Variants in GPRIN3 observed in about 807,000 individuals in gnomAD.
The protein encoded by GPRIN3 is GPRIN family member 3.
Under a neutral mutation model 13.7 loss-of-function variants are expected in GPRIN3, and 12 were observed. The ratio of observed to expected loss-of-function variants is 0.87; its 90% CI spans 0.56 to 1.42. The LOEUF is 1.42. Among genes scored for constraint, GPRIN3 ranks in the 40% most tolerant of loss-of-function variants. The probability of loss-of-function intolerance (pLI) is 0.00; values close to 1 mark genes in which losing one functional copy is unlikely to be tolerated. For missense variants in GPRIN3, 1,009 were observed against 958.7 expected (o/e 1.05, Z -0.69); for synonymous variants, 377 against 372.7 (o/e 1.01, Z -0.13).
Position 89,243,864 on chromosome 4 carries a change from G to A in GPRIN3, c.*3916C>T, listed in dbSNP as rs1723015360. 6.6e-6 allele frequency: 1 copy of A among 152,190 alleles called. No homozygotes were observed. Among genetic ancestry groups the A allele is most frequent in the South Asian group, 2.1e-4 (1 of 4,828 alleles). 9.4% of individuals were successfully genotyped at this position (152,190 alleles called of 1,614,324 possible). A position where few individuals can be genotyped will look rare whatever the true frequency, so the allele number is the denominator to read the frequency against. On this transcript the variant is annotated 3_prime_UTR_variant, in exon 2 of 2. Transcript: ENST00000609438. ...TGATTCATAAAAGTAGACAAGGGAT[G>A]TGGTTAATTATGTGTTACTAGGAGT...
At chr4:89,292,920 A>G (rs1416757582) in intron 1 of GPRIN3, among the ~76,000 whole-genome samples, 1 of 152,256 alleles carries the variant, frequency 6.6e-6, no homozygotes, top group Non-Finnish European at 1.5e-5. Flanking sequence ...TACATCAACC[A>G]GCCACATGGG....
Position 89,247,590 on chromosome 4 carries a change from C to G in GPRIN3, c.*190G>C. On this transcript the variant is annotated 3_prime_UTR_variant, in exon 2 of 2. Transcript: ENST00000609438. ...GTTTCTCTTTTCTTGTTCCTTCTTT[C>G]AAATTGAAATGACATTTTTGTTTAT... 3.9e-6 allele frequency: 2 copies of G among 517,260 alleles called. No homozygotes were observed. The highest frequency in any genetic ancestry group is 3.4e-6 in the Non-Finnish European group (1 of 297,428). 32.0% of individuals were successfully genotyped at this position (517,260 alleles called of 1,614,324 possible). A position where few individuals can be genotyped will look rare whatever the true frequency, so the allele number is the denominator to read the frequency against.
intron 1 of GPRIN3, among the ~76,000 whole-genome samples, chr4:89,278,561 G>T (rs965314507): frequency 3.3e-5 from 5 of 152,204 alleles, no homozygotes; most frequent in Admixed American, 6.5e-5. Context: ...AGAAGCAAAT[G>T]ATCCTGGCTA....
Position 89,248,978 on chromosome 4 carries a change from G to T in GPRIN3, c.1133C>A (p.Ala378Asp), listed in dbSNP as rs6811370. ...HTLELSDSTL[A>D]PQESSQCPGI... Reference sequence around the variant, plus strand: ...AGGGCACTGGCTGGACTCCTGGGGGGCTAGCGTGCTGTCAGAGAGCTCCAG... The same window carrying T: ...AGGGCACTGGCTGGACTCCTGGGGGTCTAGCGTGCTGTCAGAGAGCTCCAG... Residue 378 changes from alanine to aspartate, a missense_variant, in exon 2 of 2, where the codon GCC (alanine) becomes GAC (aspartate). Physicochemically the swap from Ala to Asp is moderately radical, Grantham distance 126 (BLOSUM62 -2). Coordinates refer to ENST00000609438, the MANE Select transcript of GPRIN3 (RefSeq NM_198281.3). 5 of 1,614,076 alleles carry T rather than the reference G, an allele frequency of 3.1e-6. No individual in the cohort carries two copies. The African/African-American group carries it at 4.0e-5, about 13-fold the overall frequency.
rs1451940238 is a variant in GPRIN3, at chr4:89,242,510, A to G, written c.*5270T>C. 1 of 152,212 alleles carries G rather than the reference A, an allele frequency of 6.6e-6. No homozygotes were observed. The highest frequency in any genetic ancestry group is 1.5e-5 in the Non-Finnish European group (1 of 68,024). 9.4% of individuals were successfully genotyped at this position (152,212 alleles called of 1,614,324 possible). On this transcript the variant is annotated 3_prime_UTR_variant, in exon 2 of 2. Transcript: ENST00000609438. The stretch of plus-strand genomic sequence containing the variant: ...GCTCCTCTTCCCTCTGGGCTCACAT[A>G]AAAACATAGATGCCAACTGTATCCT...
In GPRIN3 at chr4:89,298,138, G is replaced by T. The variant is rs149890070; in HGVS notation, c.-124+9477C>A. On this transcript the variant is annotated intron_variant, in intron 1 of 1. Transcript: ENST00000609438. ...GAGGTTCTGGTATCCTCATGAGAAAGAAATTTCTCGTAGTACACATACCAG... is the reference window on the plus strand; with the variant it reads ...GAGGTTCTGGTATCCTCATGAGAAATAAATTTCTCGTAGTACACATACCAG... 1.7e-3 allele frequency among the ~76,000 whole-genome samples: 265 copies of T among 152,206 alleles called. 3 individuals carry two copies. The highest frequency in any genetic ancestry group is 6.1e-3 in the African/African-American group (252 of 41,534).
In GPRIN3 at chr4:89,281,321, G is replaced by A. The variant is rs538167683; in HGVS notation, c.-124+26294C>T. Among the ~76,000 whole-genome samples the A allele has an allele frequency of 2.5e-3, 381 of 152,008 alleles. 2 individuals carry two copies. The highest frequency in any genetic ancestry group is 4.0e-3 in the Non-Finnish European group (271 of 67,922). On this transcript the variant is annotated intron_variant, in intron 1 of 1. Transcript: ENST00000609438. ...GTATTTTTAGTAGAGACGGGGTTTC[G>A]CCATGTTGGCCAGGCTGGTCTCGAA...
At chr4:89,269,797 G>T (rs530756070) in intron 1 of GPRIN3, among the ~76,000 whole-genome samples, 2 of 152,174 alleles carry the variant, frequency 1.3e-5, no homozygotes, top group Non-Finnish European at 2.9e-5. Context: ...TTGCTATGTG[G>T]TTTGAGCACA....
rs1722823689 is a variant in GPRIN3, at chr4:89,237,851, T to C, written c.*9929A>G. The C allele has an allele frequency of 6.6e-6, 1 of 152,088 alleles. No homozygotes were observed. Among genetic ancestry groups the C allele is most frequent in the African/African-American group, 2.4e-5 (1 of 41,394 alleles). 9.4% of individuals were successfully genotyped at this position (152,088 alleles called of 1,614,324 possible). A position where few individuals can be genotyped will look rare whatever the true frequency, so the allele number is the denominator to read the frequency against. ...ATGTTCTTCTGTTTGCTACTCAACA[T>C]TGAAGATGTGAAGAATGAGAACATT... On this transcript the variant is annotated 3_prime_UTR_variant, in exon 2 of 2. Coordinates refer to ENST00000609438, the MANE Select transcript of GPRIN3 (RefSeq NM_198281.3).
intron 1 of GPRIN3, among the ~76,000 whole-genome samples, chr4:89,272,885 A>T (rs1055484677): frequency 2.0e-5 from 3 of 152,240 alleles, no homozygotes; most frequent in Non-Finnish European, 4.4e-5. Flanking sequence ...CCACAGATTA[A>T]AAACAGCAAG....
At chr4:89,281,373 C>T (rs552229120) in intron 1 of GPRIN3, among the ~76,000 whole-genome samples, 6 of 152,282 alleles carry the variant, frequency 3.9e-5, no homozygotes, top group Admixed American at 2.6e-4. Context: ...CTGCCCACCT[C>T]GGCTCCCCAA....
chr4:89,279,248 C>T (rs1411030261), intron 1 of GPRIN3, among the ~76,000 whole-genome samples: 1 of 152,142 alleles, frequency 6.6e-6, no homozygotes, highest in East Asian at 1.9e-4. Context: ...TGAGAAATTG[C>T]TCAACTGCCT....
In GPRIN3 at chr4:89,246,169, A is replaced by G. The variant is rs556649401; in HGVS notation, c.*1611T>C. The G allele has an allele frequency of 6.6e-6, 1 of 152,360 alleles. No individual in the cohort carries two copies. Among genetic ancestry groups the G allele is most frequent in the African/African-American group, 2.4e-5 (1 of 41,594 alleles). The allele number at this position is 152,360 out of a possible 1,614,324, so 9.4% of individuals were successfully genotyped here. A position where few individuals can be genotyped will look rare whatever the true frequency, so the allele number is the denominator to read the frequency against. On this transcript the variant is annotated 3_prime_UTR_variant, in exon 2 of 2. Coordinates refer to ENST00000609438, the MANE Select transcript of GPRIN3 (RefSeq NM_198281.3). ...GAAAAAAGCCAGAACAGATACTGTG[A>G]ATTGACTGTACCCACGGGACACATG...
At chr4:89,304,506 A>G (rs1216705552) in intron 1 of GPRIN3, among the ~76,000 whole-genome samples, 1 of 152,238 alleles carries the variant, frequency 6.6e-6, no homozygotes, top group East Asian at 1.9e-4. Context: ...TGCTGATCAG[A>G]CTCACTAAAC....
intron 1 of GPRIN3, among the ~76,000 whole-genome samples, chr4:89,279,884 T>C (rs897116823): frequency 8.5e-5 from 13 of 152,238 alleles, no homozygotes; most frequent in South Asian, 2.1e-4. Context: ...TAATTACTTA[T>C]ATGTTCATAA....
chr4:89,303,638 A>T (rs1359200522), intron 1 of GPRIN3, among the ~76,000 whole-genome samples: 1 of 151,958 alleles, frequency 6.6e-6, no homozygotes, highest in Non-Finnish European at 1.5e-5. Context: ...GGGGAGGAAA[A>T]GGGGGCATCC....
intron 1 of GPRIN3, among the ~76,000 whole-genome samples, chr4:89,302,302 T>C (rs1424237935): frequency 3.3e-5 from 5 of 152,124 alleles, no homozygotes; most frequent in Non-Finnish European, 7.4e-5. Flanking sequence ...GAAAGAGGAG[T>C]TCTGGATTTT....
intron 1 of GPRIN3, among the ~76,000 whole-genome samples, chr4:89,270,042 T>C (rs1376572963): frequency 1.3e-5 from 2 of 152,140 alleles, no homozygotes; most frequent in African/African-American, 2.4e-5. Context: ...GAGAAAATAT[T>C]TAGCATGATT....
At chr4:89,290,500 C>G (rs527508818) in intron 1 of GPRIN3, among the ~76,000 whole-genome samples, 208 of 152,190 alleles carry the variant, frequency 1.4e-3, no homozygotes, top group Non-Finnish European at 2.4e-3. Flanking sequence ...GCTTAGGATT[C>G]GCTGGAAGCA....
Sources: gnomAD v4.1 joint callset for allele counts (sites outside exome capture counted in the v4.1 genomes callset) on GRCh38, gnomAD v4.1.1 for gene constraint, MANE v1.5 for transcripts, NCBI Gene and HGNC (gene_info 2026-07-23, HGNC 2026-07-21) for gene names.